Variants in GALNTL5 observed in about 807,000 individuals in gnomAD.
GALNTL5 encodes polypeptide N-acetylgalactosaminyltransferase like 5, also known as inactive polypeptide N-acetylgalactosaminyltransferase-like protein 5.
GALNTL5 carries 44 observed loss-of-function variants against 51.0 expected under a neutral mutation model. The ratio of observed to expected loss-of-function variants is 0.86; its 90% CI spans 0.68 to 1.11. GALNTL5 has a LOEUF of 1.11. Ranked by LOEUF, GALNTL5 falls within the 50% of genes least tolerant of loss-of-function variation. The pLI is 0.00. For missense variants in GALNTL5, 528 were observed against 531.8 expected (o/e 0.99, Z 0.07); for synonymous variants, 192 against 182.8 (o/e 1.05, Z -0.41).
At chr7:152,015,379 A>G (rs1204124052) in intron 8 of GALNTL5, among the ~76,000 whole-genome samples, 1 of 108,836 alleles carries the variant, frequency 9.2e-6, no homozygotes, top group Non-Finnish European at 1.8e-5. Flanking sequence ...TTTTTTTTTG[A>G]GACGGAGTCT....
chr7:151,964,887 C>G (rs961827925), intron 1 of GALNTL5, among the ~76,000 whole-genome samples: 1 of 152,292 alleles, frequency 6.6e-6, no homozygotes, highest in East Asian at 1.9e-4. Flanking sequence ...ATCAATCCCA[C>G]CTCAGACGTA....
chr7:151,967,502 T>C lies in GALNTL5; in HGVS notation c.247+9T>C. On this transcript the variant is annotated intron_variant, in intron 2 of 8. Coordinates refer to ENST00000392800, the MANE Select transcript of GALNTL5 (RefSeq NM_145292.4). The stretch of plus-strand genomic sequence containing the variant: ...AGCAAAGTCTATGTTAGGTAAGTAT[T>C]TGGATTTTTTTCCGTTAGCCATTTG... The C allele has an allele frequency of 6.2e-7, 1 of 1,606,732 alleles. No individual in the cohort carries two copies. The highest frequency in any genetic ancestry group is 1.1e-5 in the South Asian group (1 of 90,240).
intron 2 of GALNTL5, 122 bp from the exon 3 acceptor site, chr7:151,970,823 T>G: frequency 1.3e-6 from 1 of 755,468 alleles, no homozygotes; most frequent in Non-Finnish European, 2.1e-6. Context: ...TTTGCACAGA[T>G]CGATTTCCGA....
chr7:151,968,272 C>T (rs1334818715), intron 2 of GALNTL5, among the ~76,000 whole-genome samples: 1 of 151,932 alleles, frequency 6.6e-6, no homozygotes, highest in Non-Finnish European at 1.5e-5. Context: ...ATACTCCAGC[C>T]TGGGCAACAG....
At chr7:151,973,465 C>CAA (rs59709572) in intron 3 of GALNTL5, among the ~76,000 whole-genome samples, 1 of 144,514 alleles carries the variant, frequency 6.9e-6, no homozygotes. Context: ...CTCCGTCTTA[C>CAA]AAAAAAAAAA....
intron 1 of GALNTL5, among the ~76,000 whole-genome samples, chr7:151,964,812 C>T (rs1003384754): frequency 6.6e-6 from 1 of 152,192 alleles, no homozygotes; most frequent in Non-Finnish European, 1.5e-5. Flanking sequence ...TTATTGGAAG[C>T]TCTTACATTT....
intron 5 of GALNTL5, among the ~76,000 whole-genome samples, chr7:152,000,898 CT>C (rs908701686): frequency 3.4e-5 from 5 of 145,864 alleles, no homozygotes; most frequent in Admixed American, 6.8e-5. Context: ...CTTTTCTTTT[CT>C]TTTTTTTCTT....
intron 5 of GALNTL5, 48 bp from the exon 6 acceptor site, chr7:152,002,666 A>AT (rs1563021497): frequency 1.3e-6 from 2 of 1,591,390 alleles, no homozygotes; most frequent in Admixed American, 3.5e-5. Flanking sequence ...GGATTGCCGT[A>AT]TTTTTTCAGC....
intron 2 of GALNTL5, among the ~76,000 whole-genome samples, chr7:151,968,007 C>T (rs889447079): frequency 4.6e-5 from 7 of 152,106 alleles, no homozygotes; most frequent in Non-Finnish European, 8.8e-5. Flanking sequence ...ACATGAAGAC[C>T]TAGTTTTGCC....
rs771090968 is a variant in GALNTL5 at position 152,014,689 on chromosome 7, G to A, written c.1072G>A (p.Val358Ile). 2.5e-6 allele frequency: 4 copies of A among 1,613,658 alleles called. No individual in the cohort carries two copies. Among genetic ancestry groups the A allele is most frequent in the Non-Finnish European group, 3.4e-6 (4 of 1,179,864 alleles). The part of the protein sequence containing the change: ...GQLFIIPCSR[V>I]GHISKKQTGK... ...ACTCTTTATAATCCCCTGCTCTCGAGTAGGACATATCAGTAAGAAACAAAC... is the reference window on the plus strand; with the variant it reads ...ACTCTTTATAATCCCCTGCTCTCGAATAGGACATATCAGTAAGAAACAAAC... Residue 358 changes from valine to isoleucine, a missense_variant, in exon 8 of 9, where the codon GTA becomes ATA. Physicochemically the swap from Val to Ile is conservative, Grantham distance 29. Transcript: ENST00000392800.
chr7:151,995,347 A>ATTTTTTTTTTTTTTTT lies in GALNTL5; in HGVS notation c.659-7367_659-7366insTTTTTTTTTTTTTTTT, dbSNP rs1563017632. 7.7e-5 allele frequency: 7 copies of ATTTTTTTTTTTTTTTT among 90,980 alleles called. 2 individuals carry two copies. The highest frequency in any genetic ancestry group is 8.5e-4 in the South Asian group (2 of 2,340). The allele number at this position is 90,980 out of a possible 1,614,324, so 5.6% of individuals were successfully genotyped here. ...AAGAAATCTACGATCAGTTGGTATG[A>ATTTTTTTTTTTTTTTT]ATTTTTTTTTTTTTTTTTTTTTTTT... On this transcript the variant is annotated intron_variant, in intron 5 of 8. Coordinates refer to ENST00000392800, the MANE Select transcript of GALNTL5 (RefSeq NM_145292.4).
At chr7:151,997,069 G>A (rs755512997) in intron 5 of GALNTL5, among the ~76,000 whole-genome samples, 3 of 152,158 alleles carry the variant, frequency 2.0e-5, no homozygotes, top group Non-Finnish European at 4.4e-5. Context: ...AATAGACTAC[G>A]ACAGGAGAGC....
At chr7:151,959,646 C>T (rs1206573333) in intron 1 of GALNTL5, among the ~76,000 whole-genome samples, 5 of 152,176 alleles carry the variant, frequency 3.3e-5, no homozygotes, top group African/African-American at 7.2e-5. Context: ...ATACACCCTG[C>T]GTGCCTGCTG....
chr7:151,982,061 A>G (rs1437488591), intron 3 of GALNTL5, among the ~76,000 whole-genome samples: 1 of 152,138 alleles, frequency 6.6e-6, no homozygotes, highest in Non-Finnish European at 1.5e-5. Flanking sequence ...AACTAATATT[A>G]CTAGAATTCC....
Position 152,019,749 on chromosome 7 carries a change from G to C in GALNTL5, c.1280G>C (p.Trp427Ser), listed in dbSNP as rs2081866579. 2 of 1,613,684 alleles carry C rather than the reference G, an allele frequency of 1.2e-6. No individual in the cohort carries two copies. The change falls in exon 9 of 9, where the codon TGG becomes TCG. Residue 427 changes from tryptophan to serine, a missense_variant. Transcript: ENST00000392800. ...RKRLGCKSFQWYLDNVFPELE... is the reference protein window; with the variant it reads ...RKRLGCKSFQSYLDNVFPELE... ...CGACTGGGTTGCAAGTCATTTCAGT[G>C]GTATTTGGATAATGTCTTCCCAGAG...
rs966094676 is a variant in GALNTL5 at position 151,973,597 on chromosome 7, C to T, written c.368+2532C>T. On this transcript the variant is annotated intron_variant, in intron 3 of 8. Transcript: ENST00000392800. ...TGGGAATATTTACCCAATGCCTGTA[C>T]CGCTATTGTATCTTGAAAATAACTA... Among the ~76,000 whole-genome samples the T allele has an allele frequency of 2.3e-4, 35 of 152,188 alleles. 1 individual carries two copies. The highest frequency in any genetic ancestry group is 2.9e-5 in the Non-Finnish European group (2 of 68,028).
In GALNTL5 at chr7:152,002,933, A is replaced by G. The variant is rs1020057427; in HGVS notation, c.878A>G (p.Asp293Gly). Reference sequence around the variant, plus strand: ...GATAATGTTTTCTCTTATGAGATGGATGGACCAGAAGGATCTACTAAACCA... The same window carrying G: ...GATAATGTTTTCTCTTATGAGATGGGTGGACCAGAAGGATCTACTAAACCA... ...KWDNVFSYEM[D>G]GPEGSTKPIR... is the part of the protein sequence containing the mutation. Residue 293 changes from aspartate to glycine, a missense_variant, in exon 6 of 9, where the codon GAT becomes GGT. By Grantham distance (94) the Asp-to-Gly change is moderately conservative (BLOSUM62 -1). Transcript: ENST00000392800. 1.2e-6 allele frequency: 2 copies of G among 1,614,054 alleles called. No individual in the cohort carries two copies. Among genetic ancestry groups the G allele is most frequent in the Non-Finnish European group, 1.7e-6 (2 of 1,179,914 alleles).
chr7:151,982,771 T>G (rs545476711), intron 3 of GALNTL5: 367 of 981,152 alleles, frequency 3.7e-4, no homozygotes, highest in Non-Finnish European at 5.2e-4. Context: ...TTACTGACAT[T>G]AAGAAGGGGG....
intron 2 of GALNTL5, among the ~76,000 whole-genome samples, chr7:151,969,911 A>G (rs1243953676): frequency 6.6e-6 from 1 of 151,830 alleles, no homozygotes; most frequent in East Asian, 1.9e-4. Context: ...GGTTCACGCC[A>G]TTCTCCTGCC....
Sources: gnomAD v4.1 joint callset for allele counts (sites outside exome capture counted in the v4.1 genomes callset) on GRCh38, gnomAD v4.1.1 for gene constraint, MANE v1.5 for transcripts, NCBI Gene and HGNC (gene_info 2026-07-23, HGNC 2026-07-21) for gene names.